Variants in INSC observed in about 807,000 individuals in gnomAD.
INSC encodes INSC spindle orientation adaptor protein.
Under a neutral mutation model 58.6 loss-of-function variants are expected in INSC, and 67 were observed. The ratio of observed to expected loss-of-function variants is 1.14; its 90% CI spans 0.94 to 1.40. INSC has a LOEUF of 1.40. INSC is among the 40% of genes most tolerant of loss of function. The probability of loss-of-function intolerance (pLI) is 0.00; values close to 1 mark genes in which losing one functional copy is unlikely to be tolerated. For synonymous variants in INSC, 262 were observed against 276.1 expected, an observed-to-expected ratio of 0.95 and a Z score of 0.51; for missense variants, 714 against 692.0, an observed-to-expected ratio of 1.03 and a Z score of -0.36.
intron 1 of INSC, among the ~76,000 whole-genome samples, chr11:15,120,025 C>T (rs1847831866): frequency 2.0e-5 from 3 of 152,256 alleles, no homozygotes; most frequent in African/African-American, 7.2e-5. Context: ...GATTCCAGCT[C>T]TGACTCATCC....
chr11:15,192,955 T>TAATTCTCATGA (rs1416626670), intron 6 of INSC, among the ~76,000 whole-genome samples: 1 of 152,256 alleles, frequency 6.6e-6, no homozygotes, highest in Non-Finnish European at 1.5e-5. Context: ...GGATCTCATG[T>TAATTCTCATGA]AATTCTCATG....
intron 7 of INSC, among the ~76,000 whole-genome samples, chr11:15,208,662 C>G (rs1850902421): frequency 1.3e-5 from 2 of 152,240 alleles, no homozygotes; most frequent in Non-Finnish European, 2.9e-5. Flanking sequence ...GGCTCGGGGA[C>G]TGCGCCTTTC....
intron 7 of INSC, among the ~76,000 whole-genome samples, chr11:15,217,721 A>G (rs1851273464): frequency 6.6e-6 from 1 of 152,214 alleles, no homozygotes; most frequent in Admixed American, 6.5e-5. Context: ...AATTTATAGT[A>G]GAGGAGATCC....
intron 12 of INSC, 93 bp downstream of exon 12, chr11:15,240,616 T>A: frequency 3.0e-6 from 3 of 995,838 alleles, no homozygotes; most frequent in Non-Finnish European, 4.7e-6. Context: ...CTGGCTTCAG[T>A]AAGCCATAAA....
downstream of INSC, among the ~76,000 whole-genome samples, chr11:15,248,004 T>C (rs1189108810): frequency 3.3e-5 from 5 of 152,182 alleles, no homozygotes; most frequent in South Asian, 2.1e-4. Context: ...ATAACCACAG[T>C]TTGTCAATTG....
At chr11:15,218,490 A>T (rs1393706050) in intron 7 of INSC, among the ~76,000 whole-genome samples, 1 of 152,090 alleles carries the variant, frequency 6.6e-6, no homozygotes, top group East Asian at 1.9e-4. Flanking sequence ...GAATTTTTGG[A>T]TATTAGGCAT....
chr11:15,264,430 A>G, the INSC span, among the ~76,000 whole-genome samples: 1 of 144,184 alleles, frequency 6.9e-6, no homozygotes, highest in African/African-American at 2.6e-5. Flanking sequence ...AAAGGTCAGT[A>G]GCCTTAATTA....
intron 9 of INSC, 144 bp downstream of exon 9, chr11:15,225,972 C>T (rs934406085): frequency 1.3e-5 from 10 of 767,406 alleles, no homozygotes; most frequent in African/African-American, 3.5e-5. Flanking sequence ...ATATTCTCCA[C>T]GTTTCTCATT....
chr11:15,169,866 T>C (rs4597047), intron 2 of INSC, among the ~76,000 whole-genome samples: 29,848 of 152,154 alleles, frequency 0.2, 3,970 homozygotes, highest in East Asian at 0.71. Flanking sequence ...TATATTACCA[T>C]GGCACATTTG....
intron 2 of INSC, among the ~76,000 whole-genome samples, chr11:15,154,483 A>G (rs923053009): frequency 6.6e-6 from 1 of 152,252 alleles, no homozygotes; most frequent in Admixed American, 6.5e-5. Context: ...TGAAGGAGTC[A>G]GAGAGTTGAA....
intron 10 of INSC, among the ~76,000 whole-genome samples, chr11:15,236,253 G>A (rs16931265): frequency 0.029 from 4,390 of 151,848 alleles, 154 homozygotes; most frequent in East Asian, 0.091. Flanking sequence ...ACAGTGCCCC[G>A]GGGAAAATGA....
intron 7 of INSC, among the ~76,000 whole-genome samples, chr11:15,215,617 GC>G (rs1374755106): frequency 6.6e-6 from 1 of 152,162 alleles, no homozygotes; most frequent in Non-Finnish European, 1.5e-5. Context: ...TCATCATTCA[GC>G]CCATACTTCA....
At chr11:15,218,899 T>A (rs573998121) in intron 7 of INSC, among the ~76,000 whole-genome samples, 1 of 152,330 alleles carries the variant, frequency 6.6e-6, no homozygotes, top group East Asian at 1.9e-4. Flanking sequence ...CTAAAGTGTG[T>A]CCTTAAGTGT....
intron 2 of INSC, among the ~76,000 whole-genome samples, chr11:15,170,367 G>A (rs1159694089): frequency 6.6e-6 from 1 of 151,906 alleles, no homozygotes; most frequent in Non-Finnish European, 1.5e-5. Flanking sequence ...TCTGTTCTAT[G>A]ACAGTTTTTC....
chr11:15,226,995 C>T (rs1851665773), intron 9 of INSC, among the ~76,000 whole-genome samples: 2 of 152,112 alleles, frequency 1.3e-5, no homozygotes, highest in Admixed American at 1.3e-4. Context: ...GTAGAAGCTC[C>T]TATTCGGAGA....
chr11:15,175,944 AGCTGC>A lies in INSC; in HGVS notation c.263_267del (p.Leu88GlnfsTer47). The A allele has an allele frequency of 9.3e-6, 15 of 1,614,144 alleles. No homozygotes were observed. Among genetic ancestry groups the A allele is most frequent in the Non-Finnish European group, 1.3e-5 (15 of 1,180,002 alleles). On this transcript the variant is annotated frameshift_variant, in exon 3 of 13. Transcript: ENST00000379556. LOFTEE classifies it high-confidence loss of function. Reference sequence around the variant, plus strand: ...AAACGGGGTTGGGTCATTAGCACAGAGCTGCGCAGGATCGGGCAGAAGCTGGCCCA... The same window carrying A: ...AAACGGGGTTGGGTCATTAGCACAGAGCAGGATCGGGCAGAAGCTGGCCCA...
chr11:15,119,595 G>T (rs115259614), intron 1 of INSC, among the ~76,000 whole-genome samples: 1 of 152,214 alleles, frequency 6.6e-6, no homozygotes, highest in Non-Finnish European at 1.5e-5. Flanking sequence ...TGAAGGTTTT[G>T]TCTTACAAAC....
At chr11:15,212,500 A>G (rs887939201) in intron 7 of INSC, among the ~76,000 whole-genome samples, 4 of 152,248 alleles carry the variant, frequency 2.6e-5, no homozygotes, top group Admixed American at 2.0e-4. Context: ...CAATGAACAG[A>G]GTACATCTCT....
At chr11:15,265,260 A>T in the INSC span, among the ~76,000 whole-genome samples, 1 of 152,110 alleles carries the variant, frequency 6.6e-6, no homozygotes, top group African/African-American at 2.4e-5. Context: ...CAGGCAGAAG[A>T]CATCTGCAGT....
Sources: allele counts gnomAD v4.1 joint callset (sites outside exome capture counted in the v4.1 genomes callset), GRCh38; gene constraint gnomAD v4.1.1; transcripts MANE v1.5; gene names NCBI Gene and HGNC (gene_info 2026-07-23, HGNC 2026-07-21).